DMRT1: variants seen among roughly 807,000 people sequenced by gnomAD.
DMRT1 encodes the protein doublesex and mab-3 related transcription factor 1.
A neutral mutation model predicts 32.3 loss-of-function variants in DMRT1; 7 were observed. The observed-to-expected ratio is 0.22, with a 90% confidence interval of 0.12 to 0.41. The LOEUF is 0.41. Among genes scored for constraint, DMRT1 ranks in the 10% least tolerant of loss-of-function variants. DMRT1 has a pLI of 1.00. For missense variants in DMRT1, 625 were observed against 500.5 expected, an observed-to-expected ratio of 1.25 and a Z score of -2.37; for synonymous variants, 278 against 206.1, an observed-to-expected ratio of 1.35 and a Z score of -2.99.
chr9:886,545 C>T (rs949113516), intron 2 of DMRT1, among the ~76,000 whole-genome samples: 11 of 152,088 alleles, frequency 7.2e-5, no homozygotes, highest in East Asian at 3.9e-4. Context: ...CGTGAGCCAC[C>T]GTGTACGGCC....
chr9:943,568 A>G (rs12343361), intron 4 of DMRT1, among the ~76,000 whole-genome samples: 2 of 152,228 alleles, frequency 1.3e-5, no homozygotes, highest in Non-Finnish European at 2.9e-5. Flanking sequence ...TAACACTTAC[A>G]TCCTGAATTT....
chr9:913,783 C>T (rs1235656020), intron 3 of DMRT1, among the ~76,000 whole-genome samples: 2 of 152,130 alleles, frequency 1.3e-5, no homozygotes, highest in African/African-American at 4.8e-5. Context: ...GAGTAGGCTA[C>T]TCAGGAGGCT....
chr9:841,956 G>A lies in DMRT1; in HGVS notation c.118G>A (p.Gly40Arg). 1 of 1,596,216 alleles carries A rather than the reference G, an allele frequency of 6.3e-7. No homozygotes were observed. Among genetic ancestry groups the A allele is most frequent in the Non-Finnish European group, 8.5e-7 (1 of 1,172,036 alleles). ...GFGKASGALV[G>R]AASGSSAGGS... Reference sequence around the variant, plus strand: ...TGGCAAAGCGTCTGGGGCGCTAGTGGGGGCGGCCAGCGGCTCGAGCGCCGG... The same window carrying A: ...TGGCAAAGCGTCTGGGGCGCTAGTGAGGGCGGCCAGCGGCTCGAGCGCCGG... Residue 40 changes from glycine (G) to arginine (R), a missense_variant, in exon 1 of 5, where the codon GGG (glycine) becomes AGG (arginine). Physicochemically the swap from Gly to Arg is moderately radical, Grantham distance 125 (BLOSUM62 -2). This residue lies in a region of DMRT1 where 201 missense variants were observed against 152.0 expected (regional missense o/e 1.32). Coordinates refer to ENST00000382276, the MANE Select transcript of DMRT1 (RefSeq NM_021951.3).
chr9:898,072 G>T (rs1292943046), intron 3 of DMRT1, among the ~76,000 whole-genome samples: 1 of 152,080 alleles, frequency 6.6e-6, no homozygotes, highest in Non-Finnish European at 1.5e-5. Flanking sequence ...AGAGAAACTG[G>T]ATGGCTCACT....
At chr9:928,805 ATTAT>A (rs1392639590) in intron 4 of DMRT1, among the ~76,000 whole-genome samples, 11 of 151,916 alleles carry the variant, frequency 7.2e-5, no homozygotes, top group South Asian at 2.1e-4. Context: ...TTATACTAAA[ATTAT>A]TTGTTTCTGA....
rs545076293 is a variant in DMRT1 at position 890,222 on chromosome 9, C to T, written c.539-3690C>T. 1.2e-4 allele frequency among the ~76,000 whole-genome samples: 18 copies of T among 150,850 alleles called. No individual in the cohort carries two copies. In the East Asian group the frequency reaches 3.2e-3, roughly 27 times the overall value. On this transcript the variant is annotated intron_variant, in intron 2 of 4. Transcript: ENST00000382276. Reference sequence around the variant, plus strand: ...TCAGCCTCCCAAAGTGCTGGGATTACAGGCGTGAGCCACCGCACCCGGCCC... The same window carrying T: ...TCAGCCTCCCAAAGTGCTGGGATTATAGGCGTGAGCCACCGCACCCGGCCC...
chr9:936,506 C>G (rs559513207), intron 4 of DMRT1, among the ~76,000 whole-genome samples: 20 of 152,182 alleles, frequency 1.3e-4, no homozygotes, highest in Admixed American at 7.2e-4. Flanking sequence ...AATCCTAGAA[C>G]TTTGGGAGGC....
intron 2 of DMRT1, among the ~76,000 whole-genome samples, chr9:869,216 C>T (rs1395566718): frequency 2.0e-5 from 3 of 152,114 alleles, no homozygotes; most frequent in Non-Finnish European, 4.4e-5. Context: ...TCTACTAAGG[C>T]CACAGCTTTT....
chr9:872,501 C>G (rs1816316352), intron 2 of DMRT1, among the ~76,000 whole-genome samples: 1 of 152,242 alleles, frequency 6.6e-6, no homozygotes, highest in Non-Finnish European at 1.5e-5. Context: ...CCCCCAGCCT[C>G]TGGTAACCAC....
intron 2 of DMRT1, among the ~76,000 whole-genome samples, chr9:853,085 C>A (rs1438399408): frequency 3.9e-5 from 6 of 152,034 alleles, no homozygotes; most frequent in African/African-American, 1.2e-4. Flanking sequence ...TTAAAAAAAA[C>A]AATTTTTTAG....
intron 3 of DMRT1, among the ~76,000 whole-genome samples, chr9:895,212 A>C (rs1403121959): frequency 6.6e-6 from 1 of 152,218 alleles, no homozygotes; most frequent in Non-Finnish European, 1.5e-5. Flanking sequence ...GCGTTTATCT[A>C]GGGCTGTTCT....
intron 3 of DMRT1, among the ~76,000 whole-genome samples, chr9:902,153 G>C (rs192647697): frequency 6.6e-6 from 1 of 150,952 alleles, no homozygotes; most frequent in African/African-American, 2.4e-5. Flanking sequence ...CAGGTGATCC[G>C]CCCCCCTCAG....
At chr9:909,905 A>T (rs573378090) in intron 3 of DMRT1, among the ~76,000 whole-genome samples, 2 of 152,064 alleles carry the variant, frequency 1.3e-5, no homozygotes, top group Non-Finnish European at 2.9e-5. Context: ...GTAGAGATGG[A>T]GTCTCACCAT....
intron 2 of DMRT1, among the ~76,000 whole-genome samples, chr9:866,193 G>T (rs1815978603): frequency 7.1e-6 from 1 of 141,116 alleles, no homozygotes; most frequent in Non-Finnish European, 1.5e-5. Context: ...AAAAGACAGT[G>T]GTGGGTGTTT....
intron 1 of DMRT1, among the ~76,000 whole-genome samples, chr9:846,267 C>G (rs563608256): frequency 6.6e-6 from 1 of 151,968 alleles, no homozygotes; most frequent in East Asian, 1.9e-4. Context: ...TCCTGACCTC[C>G]GGTGATCGGC....
At position 844,752 on chromosome 9, in the gene DMRT1, G is replaced by A. The variant is rs1163435398; in HGVS notation, c.355-2208G>A. Among the ~76,000 whole-genome samples, 22 of 131,310 alleles carry A rather than the reference G, an allele frequency of 1.7e-4. No individual in the cohort carries two copies. The South Asian group carries it at 4.5e-3, about 27-fold the overall frequency. The allele number at this position is 131,310 out of a possible 152,430, so 86.1% of individuals were successfully genotyped here. ...TTTTTTTTTTTGAGACAGGAGTCTC[G>A]CTCTGTCCCCCAGGCTGTAGTGCAG... On this transcript the variant is annotated intron_variant, in intron 1 of 4. Coordinates refer to ENST00000382276, the MANE Select transcript of DMRT1 (RefSeq NM_021951.3).
chr9:861,506 C>A (rs10977179), intron 2 of DMRT1, among the ~76,000 whole-genome samples: 48,093 of 152,182 alleles, frequency 0.32, 9,389 homozygotes, highest in Non-Finnish European at 0.44. Flanking sequence ...TTTCTTTTCC[C>A]CACATTTCCC....
At chr9:924,668 A>G (rs889224658) in intron 4 of DMRT1, among the ~76,000 whole-genome samples, 3 of 152,208 alleles carry the variant, frequency 2.0e-5, no homozygotes, top group Non-Finnish European at 4.4e-5. Context: ...AGTGAGGAAG[A>G]TGGAGCATAC....
intron 4 of DMRT1, among the ~76,000 whole-genome samples, chr9:930,937 A>C (rs1252404765): frequency 6.6e-6 from 1 of 152,238 alleles, no homozygotes; most frequent in Non-Finnish European, 1.5e-5. Flanking sequence ...TAGTATATTA[A>C]CAAAGCTATG....
Sources: allele counts gnomAD v4.1 joint callset (sites outside exome capture counted in the v4.1 genomes callset), GRCh38; gene constraint gnomAD v4.1.1; regional missense constraint gnomAD v4.1.1; transcripts MANE v1.5; gene names NCBI Gene and HGNC (gene_info 2026-07-23, HGNC 2026-07-21).